Variants in ARHGAP8 observed in about 807,000 individuals in gnomAD.
ARHGAP8 encodes rho GTPase-activating protein 8.
Under a neutral mutation model 46.1 loss-of-function variants are expected in ARHGAP8, and 62 were observed. The observed-to-expected ratio is 1.34, with a 90% CI of 1.10 to 1.66. ARHGAP8 has a LOEUF of 1.66. Ranked by LOEUF, ARHGAP8 falls within the 40% of genes most tolerant of loss-of-function variation. The pLI, the probability that ARHGAP8 is intolerant of heterozygous loss-of-function variation, is 0.00. For synonymous variants in ARHGAP8, 375 were observed against 243.1 expected (o/e 1.54, Z -5.05); for missense variants, 923 against 568.4 (o/e 1.62, Z -6.34).
intron 7 of ARHGAP8, among the ~76,000 whole-genome samples, chr22:44,832,920 A>G (rs2147136698): frequency 6.6e-6 from 1 of 152,116 alleles, no homozygotes; most frequent in Admixed American, 6.5e-5. Context: ...TGAGGCCGGG[A>G]GTTCAAGACT....
chr22:44,752,603 G>A lies in ARHGAP8; in HGVS notation c.-96G>A, dbSNP rs1210804833. The A allele has an allele frequency of 6.6e-6, 1 of 152,012 alleles. No individual in the cohort carries two copies. Among genetic ancestry groups the A allele is most frequent in the Non-Finnish European group, 1.5e-5 (1 of 68,110 alleles). 9.4% of individuals were successfully genotyped at this position (152,012 alleles called of 1,614,324 possible). A position where few individuals can be genotyped will look rare whatever the true frequency, so the allele number is the denominator to read the frequency against. ...TGAGCGGCAGACCCGGCACGCAGGT[G>A]GGGGCCGGCGGGGTCCGTGGCCAGG... On this transcript the variant is annotated 5_prime_UTR_variant, in exon 1 of 12. Transcript: ENST00000356099.
At chr22:44,839,368 C>T (rs568172451) in intron 7 of ARHGAP8, among the ~76,000 whole-genome samples, 1 of 152,304 alleles carries the variant, frequency 6.6e-6, no homozygotes, top group South Asian at 2.1e-4. Flanking sequence ...AACCAAACCA[C>T]CCATCGAGAT....
chr22:44,779,455 G>A (rs756462514), intron 1 of ARHGAP8, among the ~76,000 whole-genome samples: 18 of 152,016 alleles, frequency 1.2e-4, no homozygotes, highest in Non-Finnish European at 2.4e-4. Context: ...GGTACGCGTG[G>A]CTATAGTGGC....
At chr22:44,807,285 T>C (rs1199205899) in intron 3 of ARHGAP8, among the ~76,000 whole-genome samples, 1 of 152,194 alleles carries the variant, frequency 6.6e-6, no homozygotes, top group Non-Finnish European at 1.5e-5. Flanking sequence ...GAGCCCTTCC[T>C]TCTGCAGATG....
intron 7 of ARHGAP8, among the ~76,000 whole-genome samples, chr22:44,843,175 A>G (rs970160917): frequency 6.6e-6 from 1 of 152,204 alleles, no homozygotes; most frequent in Admixed American, 6.5e-5. Context: ...TGCCTTGCCC[A>G]CCACATTATT....
At position 44,808,283 on chromosome 22, in the gene ARHGAP8, C is replaced by A. The variant is rs192449845; in HGVS notation, c.168-24C>A. On this transcript the variant is annotated intron_variant, in intron 3 of 11. Transcript: ENST00000356099. ...AATAATGAGTAGGTGATTTTCATAA[C>A]TGAATCTTCTGTGTTGTGCCCAGGT... 192 of 1,600,266 alleles carry A rather than the reference C, an allele frequency of 1.2e-4. No homozygotes were observed. In the East Asian group the frequency reaches 2.5e-3, roughly 21 times the overall value.
chr22:44,786,383 A>G, intron 1 of ARHGAP8, 74 bp from the exon 2 acceptor site: 2 of 1,511,352 alleles, frequency 1.3e-6, no homozygotes, highest in East Asian at 2.5e-5. Context: ...GTCTTATGAA[A>G]GGCATCAGGA....
At chr22:44,756,973 G>C (rs185762157) in intron 1 of ARHGAP8, among the ~76,000 whole-genome samples, 57 of 152,140 alleles carry the variant, frequency 3.7e-4, no homozygotes, top group South Asian at 1.7e-3. Flanking sequence ...GCTCAGACTA[G>C]AGTGTGATTA....
chr22:44,796,491 C>G (rs1928094650), intron 2 of ARHGAP8, among the ~76,000 whole-genome samples: 1 of 151,990 alleles, frequency 6.6e-6, no homozygotes, highest in African/African-American at 2.4e-5. Flanking sequence ...GTGGGGGGCT[C>G]TAAGACCTCC....
At chr22:44,860,058 G>A (rs1420742325) in intron 11 of ARHGAP8, among the ~76,000 whole-genome samples, 60 of 151,788 alleles carry the variant, frequency 4.0e-4, no homozygotes, top group Admixed American at 3.9e-3. Flanking sequence ...GCCCCTGCCT[G>A]CTCCTGTACC....
At chr22:44,827,205 G>C (rs879723671) in intron 7 of ARHGAP8, among the ~76,000 whole-genome samples, 1 of 152,054 alleles carries the variant, frequency 6.6e-6, no homozygotes, top group East Asian at 1.9e-4. Context: ...AGGCACTCAG[G>C]CACCTCTAGA....
intron 10 of ARHGAP8, 26 bp from the exon 11 acceptor site, chr22:44,859,705 C>G (rs368444450): frequency 4.3e-6 from 7 of 1,610,850 alleles, no homozygotes; most frequent in Non-Finnish European, 5.9e-6. Context: ...CTCTGGAGCT[C>G]AGCAGGGAGC....
chr22:44,833,777 C>T (rs138913533), intron 7 of ARHGAP8, among the ~76,000 whole-genome samples: 2 of 152,238 alleles, frequency 1.3e-5, no homozygotes, highest in South Asian at 2.1e-4. Context: ...CTGAAGCCAT[C>T]TGATCTTAGG....
At chr22:44,758,541 G>A (rs1450377111) in intron 1 of ARHGAP8, among the ~76,000 whole-genome samples, 2 of 152,256 alleles carry the variant, frequency 1.3e-5, no homozygotes, top group African/African-American at 4.8e-5. Context: ...TCATTGAATT[G>A]GACTTTAGCC....
intron 10 of ARHGAP8, among the ~76,000 whole-genome samples, chr22:44,854,616 C>G (rs936526878): frequency 6.6e-6 from 1 of 151,986 alleles, no homozygotes; most frequent in Non-Finnish European, 1.5e-5. Context: ...ATATGGGTAA[C>G]TCAGAAGATG....
At chr22:44,799,113 A>G (rs1185500597) in intron 2 of ARHGAP8, among the ~76,000 whole-genome samples, 1 of 152,212 alleles carries the variant, frequency 6.6e-6, no homozygotes, top group Non-Finnish European at 1.5e-5. Flanking sequence ...GCACCCTCAC[A>G]GAAGCCAGGG....
chr22:44,827,674 G>A (rs574752825), intron 7 of ARHGAP8, among the ~76,000 whole-genome samples: 4 of 152,204 alleles, frequency 2.6e-5, no homozygotes, highest in Admixed American at 2.0e-4. Context: ...CCAAGTTGAC[G>A]GTAGTTACTG....
chr22:44,757,195 T>C (rs377274286), intron 1 of ARHGAP8, among the ~76,000 whole-genome samples: 308 of 151,482 alleles, frequency 2.0e-3, no homozygotes, highest in African/African-American at 7.1e-3. Flanking sequence ...GGATTACAGG[T>C]GTGAGCCACT....
intron 2 of ARHGAP8, 59 bp from the exon 3 acceptor site, chr22:44,802,018 T>A (rs1488744520): frequency 7.5e-6 from 12 of 1,603,356 alleles, no homozygotes; most frequent in Non-Finnish European, 1.0e-5. Context: ...TTTTGCTAAG[T>A]GCCTGAGGAT....
Sources: gnomAD v4.1 joint callset for allele counts (sites outside exome capture counted in the v4.1 genomes callset) on GRCh38, gnomAD v4.1.1 for gene constraint, MANE v1.5 for transcripts, NCBI Gene and HGNC (gene_info 2026-07-23, HGNC 2026-07-21) for gene names.